The following CHCHD6 variants were observed in gnomAD, a reference collection of about 807,000 sequenced individuals.
CHCHD6 encodes the protein MICOS complex subunit MIC25.
In CHCHD6, 28 loss-of-function variants were observed where a neutral mutation model predicts 32.3. That is an observed-to-expected ratio of 0.87 (90% CI 0.64 to 1.19). The LOEUF (loss-of-function observed/expected upper bound fraction) is 1.19. CHCHD6 is among the 50% of genes most tolerant of loss of function. CHCHD6 has a pLI of 0.00. For missense variants in CHCHD6, 333 were observed against 307.0 expected (o/e 1.08, Z -0.63); for synonymous variants, 122 against 117.5 (o/e 1.04, Z -0.25).
At chr3:126,864,374 C>T (rs1470144585) in intron 5 of CHCHD6, among the ~76,000 whole-genome samples, 18 of 148,982 alleles carry the variant, frequency 1.2e-4, no homozygotes, top group Admixed American at 2.0e-4. Flanking sequence ...TCACCACCTC[C>T]ACCATCACTA....
At chr3:126,928,391 C>T (rs2078354908) in intron 6 of CHCHD6, among the ~76,000 whole-genome samples, 2 of 152,276 alleles carry the variant, frequency 1.3e-5, no homozygotes, top group East Asian at 1.9e-4. Context: ...GGGTCTCCAC[C>T]CACCACCATC....
At chr3:126,850,851 A>G (rs1199027798) in intron 4 of CHCHD6, among the ~76,000 whole-genome samples, 1 of 152,158 alleles carries the variant, frequency 6.6e-6, no homozygotes. Context: ...CATTCCTGGG[A>G]CACAGCTTCA....
chr3:126,732,992 T>C, intron 3 of CHCHD6, 86 bp from the exon 4 acceptor site: 4 of 1,465,644 alleles, frequency 2.7e-6, no homozygotes, highest in South Asian at 2.4e-5. Context: ...CCCTGGTGGC[T>C]GAAGTGAGTG....
At chr3:126,958,117 A>T (rs1307267068) in intron 7 of CHCHD6, among the ~76,000 whole-genome samples, 2 of 151,376 alleles carry the variant, frequency 1.3e-5, no homozygotes, top group East Asian at 2.0e-4. Flanking sequence ...GTTGTCCTGG[A>T]TGCCTGTGAT....
rs561438782 is a variant in CHCHD6, at chr3:126,892,992, C to T, written c.496-21688C>T. ...TTTTGTTTTGTTTTGTTTTTGAGAC[C>T]GAGTCTTGCTCTGTCTCCCAGGCTG... On this transcript the variant is annotated intron_variant, in intron 5 of 7. Transcript: ENST00000290913. Among the ~76,000 whole-genome samples, 287 of 150,974 alleles carry T rather than the reference C, an allele frequency of 1.9e-3. 1 individual carries two copies. Among genetic ancestry groups the T allele is most frequent in the African/African-American group, 6.5e-3 (267 of 40,816 alleles).
At chr3:126,919,456 G>A (rs113103761) in intron 6 of CHCHD6, among the ~76,000 whole-genome samples, 133 of 151,458 alleles carry the variant, frequency 8.8e-4, no homozygotes, top group Middle Eastern at 3.4e-3. Context: ...TAGAACCACA[G>A]GTGTGCACCA....
At chr3:126,872,460 C>T (rs1027582958) in intron 5 of CHCHD6, among the ~76,000 whole-genome samples, 1 of 152,114 alleles carries the variant, frequency 6.6e-6, no homozygotes, top group Non-Finnish European at 1.5e-5. Context: ...AAAAGATTTC[C>T]ACCGCAGAGT....
At position 126,914,704 on chromosome 3, in the gene CHCHD6, T is replaced by G. The variant is rs750910142; in HGVS notation, c.520T>G (p.Ser174Ala). 1 of 1,595,888 alleles carries G rather than the reference T, an allele frequency of 6.3e-7. No individual in the cohort carries two copies. The highest frequency in any genetic ancestry group is 2.2e-5 in the East Asian group (1 of 44,806). Residue 174 changes from serine (S) to alanine (A), a missense_variant, in exon 6 of 8, where the codon TCA (serine) becomes GCA (alanine). Transcript: ENST00000290913. ...GAATGCTGAGATGTATAAACTGTCT[T>G]CAGAGCAATTCCATGAGGCAGCCTC... is the stretch of plus-strand genomic sequence containing the variant. ...RKNAEMYKLSSEQFHEAASKM... is the reference protein window; with the variant it reads ...RKNAEMYKLSAEQFHEAASKM...
intron 4 of CHCHD6, among the ~76,000 whole-genome samples, chr3:126,789,439 A>C (rs1938407256): frequency 6.6e-6 from 1 of 152,070 alleles, no homozygotes; most frequent in Non-Finnish European, 1.5e-5. Flanking sequence ...GTCTCCCATC[A>C]TTGTTGTGTG....
intron 4 of CHCHD6, among the ~76,000 whole-genome samples, chr3:126,737,407 T>C (rs1360863629): frequency 7.0e-6 from 1 of 142,760 alleles, no homozygotes; most frequent in East Asian, 2.0e-4. Flanking sequence ...TATATATATA[T>C]ATATATATAT....
At chr3:126,798,516 G>C (rs1361029713) in intron 4 of CHCHD6, among the ~76,000 whole-genome samples, 1 of 152,206 alleles carries the variant, frequency 6.6e-6, no homozygotes, top group African/African-American at 2.4e-5. Flanking sequence ...TTTCCCCGCT[G>C]TTTTTCCTTT....
At chr3:126,863,297 C>T (rs1402883401) in intron 5 of CHCHD6, among the ~76,000 whole-genome samples, 5 of 129,960 alleles carry the variant, frequency 3.8e-5, no homozygotes, top group Admixed American at 1.5e-4. Flanking sequence ...ATCACCACCT[C>T]CTCCTCCTCC....
intron 1 of CHCHD6, among the ~76,000 whole-genome samples, chr3:126,710,220 A>T (rs1268457615): frequency 2.6e-5 from 4 of 152,194 alleles, no homozygotes; most frequent in African/African-American, 9.7e-5. Context: ...CCATTGAATT[A>T]TCTTGGAACC....
At chr3:126,808,484 G>C (rs988113719) in intron 4 of CHCHD6, among the ~76,000 whole-genome samples, 9 of 152,130 alleles carry the variant, frequency 5.9e-5, no homozygotes, top group African/African-American at 2.2e-4. Flanking sequence ...CAAAATGTTT[G>C]TAGAAAAATT....
chr3:126,765,512 C>T (rs1444237553), intron 4 of CHCHD6, among the ~76,000 whole-genome samples: 2 of 152,208 alleles, frequency 1.3e-5, no homozygotes, highest in Admixed American at 1.3e-4. Context: ...GCTGAGTCAG[C>T]AGAACGGTAC....
intron 4 of CHCHD6, among the ~76,000 whole-genome samples, chr3:126,820,244 C>G (rs1559863492): frequency 6.6e-6 from 1 of 152,214 alleles, no homozygotes; most frequent in Non-Finnish European, 1.5e-5. Context: ...TAACAGTAAA[C>G]ATGTAAATTT....
chr3:126,870,168 G>GAT (rs2077445635), intron 5 of CHCHD6, among the ~76,000 whole-genome samples: 1 of 152,198 alleles, frequency 6.6e-6, no homozygotes, highest in Non-Finnish European at 1.5e-5. Flanking sequence ...GGTTCCCTGA[G>GAT]ATACTATATG....
chr3:126,911,592 T>C (rs2078091703), intron 5 of CHCHD6, among the ~76,000 whole-genome samples: 1 of 152,056 alleles, frequency 6.6e-6, no homozygotes, highest in Admixed American at 6.5e-5. Flanking sequence ...TTTCTCTGAG[T>C]CATTCTGAGA....
Position 126,884,075 on chromosome 3 carries a change from A to G in CHCHD6, c.496-30605A>G, listed in dbSNP as rs1248884023. Among the ~76,000 whole-genome samples, 74 of 152,146 alleles carry G rather than the reference A, an allele frequency of 4.9e-4. 1 individual carries two copies. The highest frequency in any genetic ancestry group is 1.5e-5 in the Non-Finnish European group (1 of 68,024). ...TGAATCTGTTACTTTTCTTTGTATC[A>G]AGTTTTCAAAAGAATTCTTTGGTGA... On this transcript the variant is annotated intron_variant, in intron 5 of 7. Coordinates refer to ENST00000290913, the MANE Select transcript of CHCHD6 (RefSeq NM_032343.3).
Sources: allele counts gnomAD v4.1 joint callset (sites outside exome capture counted in the v4.1 genomes callset), GRCh38; gene constraint gnomAD v4.1.1; transcripts MANE v1.5; gene names NCBI Gene and HGNC (gene_info 2026-07-23, HGNC 2026-07-21).